Variants in SPAG16 observed in about 807,000 individuals in gnomAD.
The protein encoded by SPAG16 is sperm associated antigen 16.
A neutral mutation model predicts 80.4 loss-of-function variants in SPAG16; 86 were observed. The observed-to-expected ratio is 1.07, with a 90% CI of 0.90 to 1.28. The LOEUF is 1.28. Ranked by LOEUF, SPAG16 falls within the 50% of genes most tolerant of loss-of-function variation. The pLI is 0.00. For missense variants in SPAG16, 870 were observed against 765.3 expected (o/e 1.14, Z -1.61); for synonymous variants, 294 against 265.9 (o/e 1.11, Z -1.03).
At chr2:213,677,327 T>A (rs1054443759) in intron 10 of SPAG16, among the ~76,000 whole-genome samples, 1 of 152,118 alleles carries the variant, frequency 6.6e-6, no homozygotes, top group Non-Finnish European at 1.5e-5. Flanking sequence ...ACTGGTAAAT[T>A]GGATAAAGAG....
intron 15 of SPAG16, among the ~76,000 whole-genome samples, chr2:214,267,865 A>G (rs1227711190): frequency 1.3e-5 from 2 of 151,896 alleles, no homozygotes; most frequent in Admixed American, 6.6e-5. Context: ...ACAGTAGGGT[A>G]AACAACAGAG....
At chr2:213,640,687 T>C (rs1044018696) in intron 10 of SPAG16, among the ~76,000 whole-genome samples, 4 of 152,170 alleles carry the variant, frequency 2.6e-5, no homozygotes, top group Non-Finnish European at 2.9e-5. Flanking sequence ...AGTCCTTGGT[T>C]GTAGTTGTTT....
At chr2:214,306,656 G>A (rs1284173988) in intron 15 of SPAG16, among the ~76,000 whole-genome samples, 1 of 152,000 alleles carries the variant, frequency 6.6e-6, no homozygotes, top group Non-Finnish European at 1.5e-5. Context: ...CTTTAGTTCT[G>A]TTTATGTGAT....
At chr2:213,828,778 G>A (rs2073451104) in intron 10 of SPAG16, among the ~76,000 whole-genome samples, 1 of 152,194 alleles carries the variant, frequency 6.6e-6, no homozygotes. Flanking sequence ...TGTGGTTCTT[G>A]AAGACTTGTA....
At chr2:213,872,352 G>T (rs899948731) in intron 11 of SPAG16, among the ~76,000 whole-genome samples, 4 of 151,960 alleles carry the variant, frequency 2.6e-5, no homozygotes, top group Non-Finnish European at 2.9e-5. Context: ...TATCCACTAA[G>T]TTTGTGGTAA....
At chr2:213,584,496 A>G (rs2060399017) in intron 10 of SPAG16, among the ~76,000 whole-genome samples, 1 of 152,020 alleles carries the variant, frequency 6.6e-6, no homozygotes, top group African/African-American at 2.4e-5. Context: ...GTGAAAAAAA[A>G]TCATAGAATT....
At chr2:213,373,925 A>G (rs945219721) in intron 8 of SPAG16, among the ~76,000 whole-genome samples, 1 of 152,200 alleles carries the variant, frequency 6.6e-6, no homozygotes, top group African/African-American at 2.4e-5. Flanking sequence ...AAATATAATA[A>G]AAGAGAAGCA....
intron 11 of SPAG16, among the ~76,000 whole-genome samples, chr2:213,912,420 T>C (rs1320200036): frequency 6.6e-6 from 1 of 152,190 alleles, no homozygotes; most frequent in Non-Finnish European, 1.5e-5. Context: ...TTATAAATAA[T>C]AAAAATTAAA....
chr2:214,041,935 T>TTA lies in SPAG16; in HGVS notation c.1527+27869_1527+27870dup, dbSNP rs1229163435. Among the ~76,000 whole-genome samples the TTA allele has an allele frequency of 2.5e-4, 35 of 142,028 alleles. No homozygotes were observed. The South Asian group carries it at 6.3e-3, about 26-fold the overall frequency. The allele number at this position is 142,028 out of a possible 152,430, so 93.2% of individuals were successfully genotyped here. On this transcript the variant is annotated intron_variant, in intron 13 of 15. Coordinates refer to ENST00000331683, the MANE Select transcript of SPAG16 (RefSeq NM_024532.5). Reference sequence around the variant, plus strand: ...TTATATATATCTTTTGTGTATATATTTATATATATATAGTTTGTGTATATA... The same window carrying TTA: ...TTATATATATCTTTTGTGTATATATTTATATATATATATAGTTTGTGTATATA...
intron 14 of SPAG16, among the ~76,000 whole-genome samples, chr2:214,113,426 G>A (rs566769555): frequency 2.0e-5 from 3 of 152,268 alleles, no homozygotes; most frequent in South Asian, 2.1e-4. Context: ...TTCCAACTTG[G>A]TTCCATTTTC....
chr2:214,224,423 C>T (rs1164210084), intron 15 of SPAG16, among the ~76,000 whole-genome samples: 2 of 151,944 alleles, frequency 1.3e-5, no homozygotes, highest in Admixed American at 6.6e-5. Context: ...ATAATTTCTT[C>T]AGTATGTGCA....
At chr2:213,982,391 T>G (rs2106421024) in intron 12 of SPAG16, among the ~76,000 whole-genome samples, 1 of 152,174 alleles carries the variant, frequency 6.6e-6, no homozygotes, top group Non-Finnish European at 1.5e-5. Context: ...ATTCTCAATT[T>G]TACCGTTCTT....
At chr2:214,169,256 A>G (rs2056786032) in intron 15 of SPAG16, among the ~76,000 whole-genome samples, 1 of 152,154 alleles carries the variant, frequency 6.6e-6, no homozygotes. Flanking sequence ...ACTAACCAAT[A>G]TAATTTAATT....
At chr2:213,634,956 T>C (rs992234008) in intron 10 of SPAG16, among the ~76,000 whole-genome samples, 2 of 151,916 alleles carry the variant, frequency 1.3e-5, no homozygotes, top group African/African-American at 2.4e-5. Flanking sequence ...ATATATTCCA[T>C]GGTACATATA....
At chr2:214,033,780 C>T (rs1056805255) in intron 13 of SPAG16, among the ~76,000 whole-genome samples, 1 of 152,104 alleles carries the variant, frequency 6.6e-6, no homozygotes, top group Non-Finnish European at 1.5e-5. Context: ...TACCCCTTCA[C>T]CTCTAAATAC....
At chr2:214,085,704 C>T (rs2051695310) in intron 13 of SPAG16, among the ~76,000 whole-genome samples, 1 of 152,152 alleles carries the variant, frequency 6.6e-6, no homozygotes, top group Admixed American at 6.5e-5. Context: ...GAGAACAATT[C>T]CAATCATGCC....
At chr2:214,017,577 A>G (rs2047655241) in intron 13 of SPAG16, among the ~76,000 whole-genome samples, 1 of 152,182 alleles carries the variant, frequency 6.6e-6, no homozygotes, top group African/African-American at 2.4e-5. Flanking sequence ...TTCCTCTCAT[A>G]TATATCTGCC....
At chr2:213,996,128 C>T (rs2046504411) in intron 12 of SPAG16, among the ~76,000 whole-genome samples, 1 of 152,128 alleles carries the variant, frequency 6.6e-6, no homozygotes, top group African/African-American at 2.4e-5. Flanking sequence ...TGTTTCCCTG[C>T]TTCACTGGAA....
At chr2:213,498,284 C>T (rs2074582181) in intron 10 of SPAG16, among the ~76,000 whole-genome samples, 1 of 152,038 alleles carries the variant, frequency 6.6e-6, no homozygotes, top group Non-Finnish European at 1.5e-5. Flanking sequence ...GTGTTAAAGT[C>T]AATGCATGTG....
Sources: allele counts gnomAD v4.1 joint callset (sites outside exome capture counted in the v4.1 genomes callset), GRCh38; gene constraint gnomAD v4.1.1; transcripts MANE v1.5; gene names NCBI Gene and HGNC (gene_info 2026-07-23, HGNC 2026-07-21).